TMEM65: variants seen among roughly 807,000 people sequenced by gnomAD.
TMEM65 encodes transmembrane protein 65.
In TMEM65, 22 loss-of-function variants were observed where a neutral mutation model predicts 25.4. The ratio of observed to expected loss-of-function variants is 0.86; its 90% CI spans 0.62 to 1.23. The LOEUF is 1.23. TMEM65 is among the 50% of genes most tolerant of loss of function. The pLI, the probability that TMEM65 is intolerant of heterozygous loss-of-function variation, is 0.00. For synonymous variants in TMEM65, 132 were observed against 126.2 expected (o/e 1.05, Z -0.31); for missense variants, 262 against 308.2 (o/e 0.85, Z 1.12).
intron 1 of TMEM65, among the ~76,000 whole-genome samples, chr8:124,356,969 A>G (rs1019282783): frequency 1.3e-5 from 2 of 151,952 alleles, no homozygotes; most frequent in Admixed American, 6.6e-5. Context: ...CGTCCTCCCA[A>G]AGTGATGGGA....
rs753067681 is a variant in TMEM65, at chr8:124,320,064, A to C, written c.621+22T>G. The C allele has an allele frequency of 1.9e-6, 3 of 1,590,512 alleles. No individual in the cohort carries two copies. In the Admixed American group the frequency reaches 5.0e-5, roughly 27 times the overall value. On this transcript the variant is annotated intron_variant, in intron 6 of 6. Coordinates refer to ENST00000297632, the MANE Select transcript of TMEM65 (RefSeq NM_194291.3). ...TGCTCTGGCTACCCAACTCATTATC[A>C]TAAACCATGTAAATTACTTACCAAA...
intron 1 of TMEM65, among the ~76,000 whole-genome samples, chr8:124,366,850 T>C (rs1814945788): frequency 6.6e-6 from 1 of 152,198 alleles, no homozygotes; most frequent in African/African-American, 2.4e-5. Flanking sequence ...CTACTGTAAT[T>C]AGGTTCTTTC....
intron 1 of TMEM65, among the ~76,000 whole-genome samples, chr8:124,366,302 C>A (rs942622282): frequency 6.6e-6 from 1 of 152,210 alleles, no homozygotes; most frequent in Non-Finnish European, 1.5e-5. Flanking sequence ...GATCCCTGAC[C>A]TAAGTATTAC....
chr8:124,321,132 A>C (rs1196725506), intron 5 of TMEM65, among the ~76,000 whole-genome samples: 1 of 152,180 alleles, frequency 6.6e-6, no homozygotes, highest in Non-Finnish European at 1.5e-5. Context: ...AGGAATTCGA[A>C]GAATATAAAA....
chr8:124,327,739 T>C (rs1032259010), intron 2 of TMEM65, among the ~76,000 whole-genome samples: 1 of 151,448 alleles, frequency 6.6e-6, no homozygotes, highest in South Asian at 2.1e-4. Flanking sequence ...AACAAATTAG[T>C]AAACATATAT....
intron 1 of TMEM65, among the ~76,000 whole-genome samples, chr8:124,347,782 T>C (rs542941938): frequency 2.0e-5 from 3 of 152,148 alleles, no homozygotes; most frequent in Admixed American, 1.3e-4. Flanking sequence ...AAGTAAACTA[T>C]AGTATTCAAT....
At chr8:124,351,509 A>T (rs1159989961) in intron 1 of TMEM65, among the ~76,000 whole-genome samples, 1 of 152,234 alleles carries the variant, frequency 6.6e-6, no homozygotes, top group African/African-American at 2.4e-5. Context: ...CAGGTTTAAC[A>T]GTGCTAGTCT....
chr8:124,329,327 A>G (rs1283450594), intron 2 of TMEM65, among the ~76,000 whole-genome samples: 1 of 152,042 alleles, frequency 6.6e-6, no homozygotes, highest in African/African-American at 2.4e-5. Flanking sequence ...AGAAGAGTAT[A>G]ATGAAATTCT....
chr8:124,363,729 T>C (rs1462562655), intron 1 of TMEM65, among the ~76,000 whole-genome samples: 2 of 147,064 alleles, frequency 1.4e-5, no homozygotes, highest in East Asian at 2.0e-4. Flanking sequence ...CCCAGCTACT[T>C]GGGAGGCTGA....
At chr8:124,369,564 A>G (rs1299704875) in intron 1 of TMEM65, among the ~76,000 whole-genome samples, 1 of 152,250 alleles carries the variant, frequency 6.6e-6, no homozygotes, top group Non-Finnish European at 1.5e-5. Context: ...CTTAGTACAC[A>G]CACACAATAC....
At chr8:124,342,699 G>C (rs1247935229) in intron 1 of TMEM65, among the ~76,000 whole-genome samples, 2 of 152,068 alleles carry the variant, frequency 1.3e-5, no homozygotes, top group East Asian at 3.8e-4. Flanking sequence ...TGCACTCCAA[G>C]ACTCATCACA....
At chr8:124,347,220 G>A (rs909083483) in intron 1 of TMEM65, among the ~76,000 whole-genome samples, 1 of 152,054 alleles carries the variant, frequency 6.6e-6, no homozygotes, top group Non-Finnish European at 1.5e-5. Context: ...TAATTAACCT[G>A]TCTTTTTAAA....
intron 1 of TMEM65, among the ~76,000 whole-genome samples, chr8:124,334,741 G>A (rs1814483361): frequency 7.0e-6 from 1 of 143,682 alleles, no homozygotes; most frequent in African/African-American, 2.6e-5. Flanking sequence ...TCCAGCCTGG[G>A]CGACAGAACA....
At chr8:124,366,176 C>T (rs1319116916) in intron 1 of TMEM65, among the ~76,000 whole-genome samples, 4 of 152,206 alleles carry the variant, frequency 2.6e-5, no homozygotes, top group Non-Finnish European at 4.4e-5. Flanking sequence ...GAGCCAAGAT[C>T]ACACCACTGC....
chr8:124,335,205 AT>A (rs1382222767), intron 1 of TMEM65, among the ~76,000 whole-genome samples: 3 of 152,196 alleles, frequency 2.0e-5, no homozygotes, highest in Non-Finnish European at 2.9e-5. Context: ...ACACAAAAAA[AT>A]AACTTCAGTA....
intron 1 of TMEM65, among the ~76,000 whole-genome samples, chr8:124,349,105 G>C (rs1429061991): frequency 6.6e-6 from 1 of 152,150 alleles, no homozygotes; most frequent in Non-Finnish European, 1.5e-5. Flanking sequence ...GCTAGGTCCA[G>C]AACTCAGATT....
chr8:124,352,864 C>T (rs1185654315), intron 1 of TMEM65, among the ~76,000 whole-genome samples: 5 of 152,272 alleles, frequency 3.3e-5, no homozygotes, highest in African/African-American at 9.6e-5. Context: ...CAGTGGCTCA[C>T]GCCTGTAATC....
At chr8:124,347,731 G>C (rs1164304662) in intron 1 of TMEM65, among the ~76,000 whole-genome samples, 1 of 152,136 alleles carries the variant, frequency 6.6e-6, no homozygotes, top group Non-Finnish European at 1.5e-5. Flanking sequence ...GAGACCAGTG[G>C]TATAACAGCT....
chr8:124,367,531 G>A (rs1464094316), intron 1 of TMEM65, among the ~76,000 whole-genome samples: 1 of 151,884 alleles, frequency 6.6e-6, no homozygotes, highest in African/African-American at 2.4e-5. Flanking sequence ...CCTGAGCAAT[G>A]GGCTGAAAAA....
Sources: gnomAD v4.1 joint callset for allele counts (sites outside exome capture counted in the v4.1 genomes callset) on GRCh38, gnomAD v4.1.1 for gene constraint, MANE v1.5 for transcripts, NCBI Gene and HGNC (gene_info 2026-07-23, HGNC 2026-07-21) for gene names.